Variants in NWD2 observed in about 807,000 individuals in gnomAD.
NWD2 encodes NACHT and WD repeat domain-containing protein 2.
In NWD2, 37 loss-of-function variants were observed where a neutral mutation model predicts 132.7. The observed-to-expected ratio is 0.28, with a 90% CI of 0.21 to 0.37. The LOEUF (loss-of-function observed/expected upper bound fraction) is 0.37. Ranked by LOEUF, NWD2 falls within the 10% of genes least tolerant of loss-of-function variation. NWD2 has a pLI of 1.00. For synonymous variants in NWD2, 705 were observed against 803.0 expected (o/e 0.88, Z 2.06); for missense variants, 1,592 against 2,122.4 (o/e 0.75, Z 4.91).
intron 3 of NWD2, among the ~76,000 whole-genome samples, chr4:37,374,578 AATCC>A (rs2109306513): frequency 6.6e-6 from 1 of 152,348 alleles, no homozygotes; most frequent in East Asian, 1.9e-4. Context: ...ATGGAAATCT[AATCC>A]TAGAATTACA....
chr4:37,404,981 A>C (rs149867981), intron 3 of NWD2, among the ~76,000 whole-genome samples: 1 of 152,318 alleles, frequency 6.6e-6, no homozygotes, highest in Non-Finnish European at 1.5e-5. Flanking sequence ...CATCACCAAT[A>C]CTGGGGATTA....
At chr4:37,280,570 G>A (rs541893013) in intron 1 of NWD2, among the ~76,000 whole-genome samples, 20 of 152,070 alleles carry the variant, frequency 1.3e-4, no homozygotes, top group East Asian at 1.2e-3. Context: ...ATAAGGAAGC[G>A]ACATTGATTG....
intron 3 of NWD2, among the ~76,000 whole-genome samples, chr4:37,385,563 G>A (rs1002082210): frequency 7.9e-5 from 12 of 152,194 alleles, no homozygotes; most frequent in African/African-American, 2.9e-4. Context: ...CATTCTGTGT[G>A]AGGACTGATT....
intron 3 of NWD2, among the ~76,000 whole-genome samples, chr4:37,387,531 C>A (rs1469757398): frequency 6.6e-6 from 1 of 151,770 alleles, no homozygotes; most frequent in African/African-American, 2.4e-5. Context: ...TATATATGAG[C>A]CATCTGCTTG....
intron 2 of NWD2, among the ~76,000 whole-genome samples, chr4:37,348,258 A>T (rs1719676759): frequency 1.3e-5 from 2 of 152,164 alleles, no homozygotes; most frequent in African/African-American, 4.8e-5. Flanking sequence ...TTCAACTGTT[A>T]ACAAGTTCGT....
rs746999871 is a variant in NWD2 at position 37,444,959 on chromosome 4, A to G, written c.2971A>G (p.Ile991Val). The change falls in exon 7 of 7, where the codon ATC becomes GTC. Residue 991 changes from isoleucine (I) to valine (V), a missense_variant. Physicochemically the swap from Ile to Val is conservative, Grantham distance 29. Transcript: ENST00000309447. This position sits in a 1 kb window ranked among gnomAD's most constrained non-coding sequence, Gnocchi z 4.8. ...CCTCACAGCTTTAGAAAATGGTTCC[A>G]TCAGCACCTGGGATGTAGAGACTCG... The part of the protein sequence containing the change: ...TVLTALENGS[I>V]STWDVETRQL... The G allele has an allele frequency of 6.0e-5, 93 of 1,552,066 alleles. No homozygotes were observed. The highest frequency in any genetic ancestry group is 4.2e-4 in the East Asian group (17 of 40,928).
chr4:37,283,069 T>G (rs1407840722), intron 1 of NWD2, among the ~76,000 whole-genome samples: 1 of 152,180 alleles, frequency 6.6e-6, no homozygotes, highest in Non-Finnish European at 1.5e-5. Flanking sequence ...GACATGAGGC[T>G]CTGAGCCATT....
At chr4:37,247,895 C>T (rs571020669) in intron 1 of NWD2, among the ~76,000 whole-genome samples, 1 of 152,248 alleles carries the variant, frequency 6.6e-6, no homozygotes, top group South Asian at 2.1e-4. Flanking sequence ...CAGGTGTGAG[C>T]CACCGCACCT....
At chr4:37,339,353 C>G (rs1719473328) in intron 2 of NWD2, among the ~76,000 whole-genome samples, 1 of 152,178 alleles carries the variant, frequency 6.6e-6, no homozygotes, top group South Asian at 2.1e-4. Context: ...AATTCTCATG[C>G]CAGACTTCTC....
intron 3 of NWD2, among the ~76,000 whole-genome samples, chr4:37,419,178 G>A (rs1330739339): frequency 6.6e-6 from 1 of 152,140 alleles, no homozygotes; most frequent in Non-Finnish European, 1.5e-5. Flanking sequence ...AAATGGTGTT[G>A]GGAAAACTGG....
chr4:37,405,438 AT>A (rs1167350462), intron 3 of NWD2, among the ~76,000 whole-genome samples: 5 of 77,544 alleles, frequency 6.4e-5, no homozygotes, highest in African/African-American at 2.0e-4. Flanking sequence ...ATAGAATAGA[AT>A]AGAATAGAAT....
chr4:37,416,748 A>G (rs983474115), intron 3 of NWD2, among the ~76,000 whole-genome samples: 1 of 152,242 alleles, frequency 6.6e-6, no homozygotes, highest in Non-Finnish European at 1.5e-5. Context: ...AGATGTACAT[A>G]TAATAGAATA....
intron 3 of NWD2, among the ~76,000 whole-genome samples, chr4:37,418,129 C>T (rs1290623644): frequency 1.3e-5 from 2 of 151,794 alleles, no homozygotes; most frequent in Non-Finnish European, 1.5e-5. Flanking sequence ...CTTGTAGTAC[C>T]AGGAAGTAAG....
At position 37,323,014 on chromosome 4, in the gene NWD2, G is replaced by A. The variant is rs377743623; in HGVS notation, c.152-2922G>A. 4.0e-5 allele frequency among the ~76,000 whole-genome samples: 6 copies of A among 151,164 alleles called. No homozygotes were observed. The East Asian group carries it at 5.9e-4, about 15-fold the overall frequency. On this transcript the variant is annotated intron_variant, in intron 1 of 6. Transcript: ENST00000309447. ...GCAAACTATGGTGTATGAGTTTCTG[G>A]ATTCAATTCTGGGTTTTCTAATTTA...
At chr4:37,363,968 C>CA (rs112086576) in intron 3 of NWD2, among the ~76,000 whole-genome samples, 125,089 of 142,266 alleles carry the variant, frequency 0.88, 56,738 homozygotes, top group Non-Finnish European at 0.98. Context: ...ACTAAAAATA[C>CA]AAAAAAAAAA....
intron 1 of NWD2, among the ~76,000 whole-genome samples, chr4:37,282,876 T>C (rs1373408198): frequency 1.3e-5 from 2 of 152,242 alleles, no homozygotes; most frequent in Non-Finnish European, 2.9e-5. Flanking sequence ...ATGGAAATAA[T>C]GTAATTATAA....
chr4:37,293,487 T>C (rs1340617248), intron 1 of NWD2, among the ~76,000 whole-genome samples: 1 of 152,248 alleles, frequency 6.6e-6, no homozygotes, highest in Non-Finnish European at 1.5e-5. Flanking sequence ...AATTATTTTA[T>C]ACCTATTTTG....
intron 2 of NWD2, among the ~76,000 whole-genome samples, chr4:37,345,606 C>T (rs543238203): frequency 6.6e-6 from 1 of 152,134 alleles, no homozygotes; most frequent in African/African-American, 2.4e-5. Flanking sequence ...ACAAAAAAAT[C>T]CATACAAATA....
rs1446742268 is a variant in NWD2 at position 37,443,363 on chromosome 4, A to G, written c.1375A>G (p.Met459Val). ...CGTGAGATTTCTAGGAACGACAGAC[A>G]TGAGCTCTGACCTTAGGACTCTCCT... ...VIVRFLGTTDMSSDLRTLLLS... is the reference protein window; with the variant it reads ...VIVRFLGTTDVSSDLRTLLLS... The change falls in exon 7 of 7, where the codon ATG becomes GTG. Residue 459 changes from methionine (M) to valine (V), a missense_variant. Physicochemically the swap from Met to Val is conservative, Grantham distance 21 (BLOSUM62 1). Around this residue, in one of 7 missense-constraint regions of NWD2, gnomAD observed 1,071 missense variants for 1,398.0 expected, o/e 0.77. Transcript: ENST00000309447. The surrounding 1 kb of genome is among the most constrained non-coding windows in gnomAD (Gnocchi z 4.1). 6.4e-6 allele frequency: 10 copies of G among 1,551,932 alleles called. No homozygotes were observed. The highest frequency in any genetic ancestry group is 1.4e-5 in the African/African-American group (1 of 73,182).
Sources: gnomAD v4.1 joint callset for allele counts (sites outside exome capture counted in the v4.1 genomes callset) on GRCh38, gnomAD v4.1.1 for gene constraint, gnomAD v4.1.1 regional missense constraint, Gnocchi (gnomAD v3.1) non-coding constraint, MANE v1.5 for transcripts, NCBI Gene and HGNC (gene_info 2026-07-23, HGNC 2026-07-21) for gene names.